Variants in SLC25A25 observed in about 807,000 individuals in gnomAD.
SLC25A25 encodes mitochondrial adenyl nucleotide antiporter SLC25A25.
Under a neutral mutation model 57.7 loss-of-function variants are expected in SLC25A25, and 32 were observed. That is an observed-to-expected ratio of 0.55 (90% CI 0.42 to 0.74). The LOEUF is 0.74. Among genes scored for constraint, SLC25A25 ranks in the 30% least tolerant of loss-of-function variants. The probability of loss-of-function intolerance (pLI) is 0.00; values close to 1 mark genes in which losing one functional copy is unlikely to be tolerated. For missense variants in SLC25A25, 556 were observed against 701.3 expected (o/e 0.79, Z 2.34); for synonymous variants, 306 against 291.2 (o/e 1.05, Z -0.52).
chr9:128,101,378 C>A lies in SLC25A25; in HGVS notation c.458C>A (p.Ala153Glu), dbSNP rs896535781. The change falls in exon 3 of 11, where the codon GCA (alanine) becomes GAA (glutamate). Residue 153 changes from alanine (A) to glutamate (E), a missense_variant. This residue lies in a region of SLC25A25 where 248 missense variants were observed against 273.5 expected (regional missense o/e 0.91). Coordinates refer to ENST00000373069, the MANE Select transcript of SLC25A25 (RefSeq NM_001330988.2). The surrounding 1 kb of genome is among the most constrained non-coding windows in gnomAD (Gnocchi z 4.9). ...DLGVKISEQQ[A>E]EKILKRIRTG... The stretch of plus-strand genomic sequence containing the variant: ...GGAGTCAAGATATCTGAACAGCAGG[C>A]AGAAAAAATTCTCAAGAGGTGAGTG... 6.2e-7 allele frequency: 1 copy of A among 1,614,218 alleles called. No individual in the cohort carries two copies.
At chr9:128,091,575 A>T in intron 1 of SLC25A25, 1 of 1,064,196 alleles carries the variant, frequency 9.4e-7, no homozygotes, top group Non-Finnish European at 1.1e-6. Flanking sequence ...AAAAAGCCAA[A>T]CGTTTGCTCA....
At chr9:128,106,592 G>A (rs536902507) in intron 9 of SLC25A25, 72 bp downstream of exon 9, 48 of 1,496,082 alleles carry the variant, frequency 3.2e-5, no homozygotes, top group East Asian at 2.7e-4. Flanking sequence ...CCTCCTTGAC[G>A]GACGCGTGGT....
intron 1 of SLC25A25, among the ~76,000 whole-genome samples, chr9:128,083,169 C>T (rs369719241): frequency 1.3e-5 from 2 of 150,140 alleles, no homozygotes; most frequent in Non-Finnish European, 3.0e-5. Context: ...TGGAGGTTGC[C>T]GTGAGCCGAG....
intron 1 of SLC25A25, among the ~76,000 whole-genome samples, chr9:128,086,649 T>C (rs963366296): frequency 9.9e-5 from 15 of 151,812 alleles, no homozygotes; most frequent in Non-Finnish European, 5.9e-5. Context: ...CTAATTTTTG[T>C]ATATTTTCTA....
intron 1 of SLC25A25, among the ~76,000 whole-genome samples, chr9:128,079,524 C>G (rs1265815447): frequency 6.8e-6 from 1 of 146,044 alleles, no homozygotes; most frequent in Non-Finnish European, 1.5e-5. Context: ...TTTGTGAGGC[C>G]AAGGCAGGTG....
chr9:128,105,815 G>A lies in SLC25A25; in HGVS notation c.870G>A (p.Arg290=). Reference sequence around the variant, plus strand: ...AAGGAGGGGCCAGGTCACTCTGGCGGGGCAATGGCATCAACGTCCTCAAAA... The same window carrying A: ...AAGGAGGGGCCAGGTCACTCTGGCGAGGCAATGGCATCAACGTCCTCAAAA... ...IREGGARSLW[R]GNGINVLKIA... Residue 290 remains arginine (R), a synonymous_variant, in exon 7 of 11, where the codon CGG becomes CGA. Transcript: ENST00000373069. 2 of 1,614,142 alleles carry A rather than the reference G, an allele frequency of 1.2e-6. No homozygotes were observed. Among genetic ancestry groups the A allele is most frequent in the Non-Finnish European group, 8.5e-7 (1 of 1,180,044 alleles).
chr9:128,076,842 T>TGACG (rs1356510291), intron 1 of SLC25A25, among the ~76,000 whole-genome samples: 1 of 152,182 alleles, frequency 6.6e-6, no homozygotes. Flanking sequence ...CTTGGATGGG[T>TGACG]GACGGGCCAT....
At chr9:128,098,663 A>G in intron 1 of SLC25A25, 3 of 1,613,984 alleles carry the variant, frequency 1.9e-6, no homozygotes, top group Admixed American at 3.3e-5. Context: ...GCTGAAGTCC[A>G]TTTTCAAGCT....
rs1215273243 is a variant in SLC25A25 at position 128,102,097 on chromosome 9, T to G, written c.494T>G (p.Phe165Cys). ...TCTGTCAGAATACGAACGGGCCATT[T>G]CTGGGGCCCTGTCACCTAGTAAGTA... ...KILKRIRTGH[F>C]WGPVTYMDKN... Residue 165 changes from phenylalanine (F) to cysteine (C), a missense_variant, in exon 4 of 11, where the codon TTC (phenylalanine) becomes TGC (cysteine). By Grantham distance (205) the Phe-to-Cys change is radical (BLOSUM62 -2). Coordinates refer to ENST00000373069, the MANE Select transcript of SLC25A25 (RefSeq NM_001330988.2). This position sits in a 1 kb window ranked among gnomAD's most constrained non-coding sequence, Gnocchi z 4.1. The G allele has an allele frequency of 6.4e-7, 1 of 1,550,640 alleles. No individual in the cohort carries two copies. The highest frequency in any genetic ancestry group is 8.7e-7 in the Non-Finnish European group (1 of 1,146,988).
intron 1 of SLC25A25, among the ~76,000 whole-genome samples, chr9:128,090,330 A>G (rs956957085): frequency 1.3e-5 from 2 of 152,008 alleles, no homozygotes; most frequent in African/African-American, 4.8e-5. Context: ...CTCCTGCCTC[A>G]GCCTCCCAAG....
rs1450138327 is a variant in SLC25A25 at position 128,106,248 on chromosome 9, C to T, written c.1035C>T (p.Tyr345=). 2 of 1,614,176 alleles carry T rather than the reference C, an allele frequency of 1.2e-6. No homozygotes were observed. The highest frequency in any genetic ancestry group is 1.1e-5 in the South Asian group (1 of 91,088). ...LAGAIAQSSI[Y]PMEVLKTRMA... is the part of the protein sequence containing the mutation. ...GGGCCATCGCCCAGAGCAGCATCTA[C>T]CCAATGGAGGTGAGGGGCCGCCTGG... Residue 345 remains tyrosine (Y), a synonymous_variant, in exon 8 of 11, where the codon TAC becomes TAT. Coordinates refer to ENST00000373069, the MANE Select transcript of SLC25A25 (RefSeq NM_001330988.2).
intron 1 of SLC25A25, among the ~76,000 whole-genome samples, chr9:128,093,274 G>A (rs1564186446): frequency 6.6e-6 from 1 of 152,218 alleles, no homozygotes; most frequent in Non-Finnish European, 1.5e-5. Flanking sequence ...AATATTCAAA[G>A]AGAGGGTGTC....
rs1422045979 is a variant in SLC25A25, at chr9:128,108,916, C to CTCTT, written c.*1474_*1477dup. 3.9e-5 allele frequency: 6 copies of CTCTT among 152,022 alleles called. No individual in the cohort carries two copies. The East Asian group carries it at 1.2e-3, about 29-fold the overall frequency. The allele number at this position is 152,022 out of a possible 1,614,324, so 9.4% of individuals were successfully genotyped here. A position where few individuals can be genotyped will look rare whatever the true frequency, so the allele number is the denominator to read the frequency against. On this transcript the variant is annotated 3_prime_UTR_variant, in exon 11 of 11. Coordinates refer to ENST00000373069, the MANE Select transcript of SLC25A25 (RefSeq NM_001330988.2). ...GCGCTGCGAGGGTTTCTTTATTTCACTCTTTTCTGAATGTCAAGGCAGTGA... is the reference window on the plus strand; with the variant it reads ...GCGCTGCGAGGGTTTCTTTATTTCACTCTTTCTTTTCTGAATGTCAAGGCAGTGA...
At chr9:128,080,870 G>T (rs1161630893) in intron 1 of SLC25A25, among the ~76,000 whole-genome samples, 1 of 152,220 alleles carries the variant, frequency 6.6e-6, no homozygotes, top group African/African-American at 2.4e-5. Flanking sequence ...ACAGGCTGGA[G>T]AAGTTAAGCA....
intron 7 of SLC25A25, 133 bp from the exon 8 acceptor site, chr9:128,106,017 G>A (rs1272101506): frequency 4.6e-6 from 7 of 1,524,840 alleles, no homozygotes; most frequent in Non-Finnish European, 5.4e-6. Flanking sequence ...CGAGGCAGGA[G>A]GCCCAGGCTC....
intron 1 of SLC25A25, among the ~76,000 whole-genome samples, chr9:128,093,308 A>G (rs1229466053): frequency 1.3e-5 from 2 of 152,198 alleles, no homozygotes; most frequent in African/African-American, 2.4e-5. Context: ...TGATTGTTTT[A>G]GACAAGATTG....
At chr9:128,096,512 A>T (rs750673908) in intron 1 of SLC25A25, among the ~76,000 whole-genome samples, 13 of 152,054 alleles carry the variant, frequency 8.5e-5, no homozygotes, top group Non-Finnish European at 1.9e-4. Flanking sequence ...TCTGTCTCAA[A>T]AATAATAATA....
chr9:128,091,468 G>A (rs372408879), intron 1 of SLC25A25: 13 of 986,718 alleles, frequency 1.3e-5, no homozygotes, highest in African/African-American at 1.0e-4. Context: ...TGATGAGCGA[G>A]GACAGCTGAA....
chr9:128,086,472 T>C lies in SLC25A25; in HGVS notation c.262-14624T>C, dbSNP rs567039091. Among the ~76,000 whole-genome samples, 15 of 152,212 alleles carry C rather than the reference T, an allele frequency of 9.9e-5. No homozygotes were observed. In the East Asian group the frequency reaches 2.9e-3, roughly 29 times the overall value. ...CCTCAGCCTCCAAAGTAGCTGGGAT[T>C]ATAGGCATGTGCCACCACACCCGGC... On this transcript the variant is annotated intron_variant, in intron 1 of 10. Transcript: ENST00000373069.
Sources: gnomAD v4.1 joint callset for allele counts (sites outside exome capture counted in the v4.1 genomes callset) on GRCh38, gnomAD v4.1.1 for gene constraint, gnomAD v4.1.1 regional missense constraint, Gnocchi (gnomAD v3.1) non-coding constraint, MANE v1.5 for transcripts, NCBI Gene and HGNC (gene_info 2026-07-23, HGNC 2026-07-21) for gene names.